Variants in ITSN1 observed in about 807,000 individuals in gnomAD.
ITSN1 encodes the protein intersectin-1.
Under a neutral mutation model 239.8 loss-of-function variants are expected in ITSN1, and 58 were observed. The observed-to-expected ratio is 0.24, with a 90% CI of 0.20 to 0.30. The LOEUF is 0.30. Among genes scored for constraint, ITSN1 ranks in the 10% least tolerant of loss-of-function variants. The pLI is 1.00. For missense variants in ITSN1, 1,558 were observed against 2,103.3 expected, an observed-to-expected ratio of 0.74 and a Z score of 5.07; for synonymous variants, 780 against 770.8, an observed-to-expected ratio of 1.01 and a Z score of -0.20.
intron 16 of ITSN1, among the ~76,000 whole-genome samples, chr21:33,791,534 T>A (rs2071133489): frequency 6.6e-6 from 1 of 152,078 alleles, no homozygotes; most frequent in Non-Finnish European, 1.5e-5. Flanking sequence ...CATAGGTAGG[T>A]TTTTTTTCTG....
chr21:33,769,539 C>A (rs145604675), intron 11 of ITSN1, among the ~76,000 whole-genome samples: 2 of 152,274 alleles, frequency 1.3e-5, no homozygotes, highest in African/African-American at 4.8e-5. Flanking sequence ...GGCTGGAAGT[C>A]CAAGATCACG....
intron 11 of ITSN1, among the ~76,000 whole-genome samples, chr21:33,769,877 T>C (rs144091972): frequency 2.0e-5 from 3 of 151,406 alleles, no homozygotes; most frequent in African/African-American, 7.3e-5. Context: ...GTATTTTTAG[T>C]AGAGACGGAG....
At chr21:33,829,561 T>A in intron 26 of ITSN1, 63 bp from the exon 27 acceptor site, 1 of 1,587,552 alleles carries the variant, frequency 6.3e-7, no homozygotes, top group Non-Finnish European at 8.6e-7. Context: ...CGCCTGCATC[T>A]TCTTGGCCTT....
At chr21:33,886,149 T>C (rs1487270173) in intron 38 of ITSN1, 138 bp from the exon 39 acceptor site, 1 of 638,980 alleles carries the variant, frequency 1.6e-6, no homozygotes, top group Non-Finnish European at 2.7e-6. Context: ...GAGGTGGAGG[T>C]TGCAATGAGC....
chr21:33,703,631 C>CT (rs1030428055), intron 1 of ITSN1, among the ~76,000 whole-genome samples: 5 of 152,202 alleles, frequency 3.3e-5, no homozygotes, highest in South Asian at 2.1e-4. Context: ...AACAATTGTA[C>CT]TTTCACTGGG....
intron 4 of ITSN1, among the ~76,000 whole-genome samples, chr21:33,731,941 C>T (rs1200983307): frequency 6.6e-6 from 1 of 152,112 alleles, no homozygotes; most frequent in Non-Finnish European, 1.5e-5. Context: ...TGGTATATAA[C>T]ATGGTTTTAT....
chr21:33,671,791 CAAATAAATAAAT>C (rs376876540), intron 1 of ITSN1, among the ~76,000 whole-genome samples: 12 of 151,694 alleles, frequency 7.9e-5, no homozygotes, highest in African/African-American at 2.4e-5. Context: ...GACTCCGTCT[CAAATAAATAAAT>C]AAATAAATAA....
chr21:33,844,311 G>A (rs1311407813), intron 29 of ITSN1, among the ~76,000 whole-genome samples: 1 of 152,210 alleles, frequency 6.6e-6, no homozygotes. Flanking sequence ...CGACGGTGGG[G>A]AGGCCACCAG....
intron 5 of ITSN1, among the ~76,000 whole-genome samples, chr21:33,744,436 CCA>C (rs1477507344): frequency 6.6e-6 from 1 of 152,112 alleles, no homozygotes; most frequent in Non-Finnish European, 1.5e-5. Context: ...GCGTCTCTCA[CCA>C]CACCCCCCAT....
intron 3 of ITSN1, chr21:33,721,996 T>G (rs955804753): frequency 6.6e-6 from 1 of 150,956 alleles, no homozygotes; most frequent in Non-Finnish European, 1.5e-5. Flanking sequence ...CAACCTCCCC[T>G]TCCAGTTTCA....
Position 33,865,331 on chromosome 21 carries a change from C to T in ITSN1, c.4071C>T (p.Val1357=). ...TDEAPDFKEF[V]KRLAMDPRCK... is the part of the protein sequence containing the mutation. ...AGGCCCCAGACTTCAAGGAGTTCGT[C>T]AAAGTAAGGAGCCAGGCTGTGCAGA... The change falls in exon 32 of 40, where the codon GTC becomes GTT. Residue 1357 remains valine (V), a synonymous_variant. Transcript: ENST00000381318. This position sits in a 1 kb window ranked among gnomAD's most constrained non-coding sequence, Gnocchi z 4.4. 2 of 1,558,188 alleles carry T rather than the reference C, an allele frequency of 1.3e-6. No individual in the cohort carries two copies. The highest frequency in any genetic ancestry group is 2.4e-5 in the South Asian group (2 of 83,630).
chr21:33,875,673 C>G (rs776022077), intron 34 of ITSN1, 152 bp downstream of exon 34: 19 of 695,238 alleles, frequency 2.7e-5, no homozygotes, highest in Non-Finnish European at 4.0e-5. Context: ...GTTTCATCCA[C>G]CCACTGAGTA....
intron 16 of ITSN1, among the ~76,000 whole-genome samples, chr21:33,792,573 T>C (rs1420293264): frequency 1.3e-5 from 2 of 152,230 alleles, no homozygotes; most frequent in Non-Finnish European, 2.9e-5. Flanking sequence ...CTACTGATTT[T>C]TTAACACATT....
chr21:33,742,347 G>T (rs535757408), intron 5 of ITSN1, among the ~76,000 whole-genome samples: 1 of 152,168 alleles, frequency 6.6e-6, no homozygotes, highest in South Asian at 2.1e-4. Flanking sequence ...GAGCCACCGC[G>T]CCTGGCCCTA....
intron 1 of ITSN1, among the ~76,000 whole-genome samples, chr21:33,708,491 C>T (rs751070997): frequency 2.6e-5 from 4 of 151,960 alleles, no homozygotes; most frequent in African/African-American, 4.8e-5. Context: ...AGGTTCAGGC[C>T]ATTCTCCTGC....
At chr21:33,667,949 A>G (rs1319053041) in intron 1 of ITSN1, among the ~76,000 whole-genome samples, 1 of 152,122 alleles carries the variant, frequency 6.6e-6, no homozygotes, top group African/African-American at 2.4e-5. Context: ...GCAGATGGTT[A>G]GAAGACAGAT....
chr21:33,805,536 A>G (rs1211591475), intron 20 of ITSN1, among the ~76,000 whole-genome samples: 1 of 152,226 alleles, frequency 6.6e-6, no homozygotes, highest in East Asian at 1.9e-4. Context: ...TGCCTGTTTT[A>G]TAATAAAGTT....
In ITSN1 at chr21:33,721,183, C is replaced by G; in HGVS notation, c.34C>G (p.Leu12Val). ...GTCTTTTCTTTGGATTTTAGGCAGC[C>G]TGGATATCTGGGCCATAACTGTAGA... ...AQFPTPFGGS[L>V]DIWAITVEER... is the part of the protein sequence containing the mutation. Residue 12 changes from leucine (L) to valine (V), a missense_variant, in exon 3 of 40, where the codon CTG (leucine) becomes GTG (valine). Physicochemically the swap from Leu to Val is conservative, Grantham distance 32. Transcript: ENST00000381318. 1.9e-6 allele frequency: 3 copies of G among 1,611,718 alleles called. No individual in the cohort carries two copies. The highest frequency in any genetic ancestry group is 2.5e-6 in the Non-Finnish European group (3 of 1,177,932).
At chr21:33,846,660 G>T (rs1291803818) in intron 29 of ITSN1, among the ~76,000 whole-genome samples, 1 of 152,160 alleles carries the variant, frequency 6.6e-6, no homozygotes, top group Admixed American at 6.5e-5. Context: ...GACAGTCCTG[G>T]GCTGCCCTTC....
Sources: allele counts gnomAD v4.1 joint callset (sites outside exome capture counted in the v4.1 genomes callset), GRCh38; gene constraint gnomAD v4.1.1; non-coding constraint Gnocchi (gnomAD v3.1); transcripts MANE v1.5; gene names NCBI Gene and HGNC (gene_info 2026-07-23, HGNC 2026-07-21).